Variants in CHST8 observed in about 807,000 individuals in gnomAD.
CHST8 encodes the protein GALNAC-4-ST1.
Under a neutral mutation model 15.0 loss-of-function variants are expected in CHST8, and 10 were observed. The ratio of observed to expected loss-of-function variants is 0.67; its 90% CI spans 0.41 to 1.13. The LOEUF (loss-of-function observed/expected upper bound fraction) is 1.13, where lower values mean the gene tolerates loss of function less well. Among genes scored for constraint, CHST8 ranks in the 50% most tolerant of loss-of-function variants. The pLI is 0.00. For missense variants in CHST8, 634 were observed against 608.2 expected (o/e 1.04, Z -0.45); for synonymous variants, 259 against 256.6 (o/e 1.01, Z -0.09).
intron 3 of CHST8, among the ~76,000 whole-genome samples, chr19:33,737,882 A>T (rs1974115562): frequency 6.6e-6 from 1 of 152,068 alleles, no homozygotes; most frequent in Non-Finnish European, 1.5e-5. Flanking sequence ...ACTCACTGTT[A>T]TCTCCAAGCA....
chr19:33,718,352 G>T (rs2145305064), intron 3 of CHST8, among the ~76,000 whole-genome samples: 1 of 151,836 alleles, frequency 6.6e-6, no homozygotes, highest in Admixed American at 6.6e-5. Context: ...CCAAAGTGCT[G>T]GGATTACAGG....
chr19:33,646,870 G>A (rs111804928), intron 1 of CHST8, among the ~76,000 whole-genome samples: 229 of 152,250 alleles, frequency 1.5e-3, no homozygotes, highest in African/African-American at 5.1e-3. Flanking sequence ...AGCCAAGATC[G>A]CTCCCTTGCA....
At chr19:33,672,026 T>G (rs1482640696) in intron 2 of CHST8, among the ~76,000 whole-genome samples, 2 of 152,112 alleles carry the variant, frequency 1.3e-5, no homozygotes, top group Non-Finnish European at 2.9e-5. Flanking sequence ...TGTATGTGTA[T>G]GTATGTATAT....
chr19:33,765,554 T>C (rs1264824771), intron 3 of CHST8, among the ~76,000 whole-genome samples: 2 of 102,802 alleles, frequency 1.9e-5, no homozygotes, highest in Non-Finnish European at 4.1e-5. Context: ...TGTGTGTGTG[T>C]CAGAGAGAGA....
At chr19:33,739,277 A>G (rs924583951) in intron 3 of CHST8, among the ~76,000 whole-genome samples, 1 of 152,020 alleles carries the variant, frequency 6.6e-6, no homozygotes, top group Admixed American at 6.5e-5. Flanking sequence ...CTCCTCCACA[A>G]GATGAAGTGT....
intron 1 of CHST8, among the ~76,000 whole-genome samples, chr19:33,650,513 C>CTTTTTTTTTTT (rs1356639318): frequency 1.4e-4 from 5 of 36,842 alleles, no homozygotes; most frequent in South Asian, 8.3e-4. Context: ...TTTTCTTTTT[C>CTTTTTTTTTTT]TTTTCTTTTT....
intron 3 of CHST8, among the ~76,000 whole-genome samples, chr19:33,756,650 A>C (rs1375394678): frequency 6.6e-6 from 1 of 152,180 alleles, no homozygotes. Context: ...TTGTTCTGCA[A>C]AATCCAACAT....
chr19:33,694,124 A>ATATATG (rs2145265110), intron 3 of CHST8, among the ~76,000 whole-genome samples: 1 of 93,750 alleles, frequency 1.1e-5, no homozygotes, highest in African/African-American at 4.0e-5. Context: ...ATATATATAT[A>ATATATG]TATATAAATG....
chr19:33,712,542 G>A (rs8104262), intron 3 of CHST8, among the ~76,000 whole-genome samples: 4,344 of 152,278 alleles, frequency 0.029, 140 homozygotes, highest in African/African-American at 0.08. Flanking sequence ...CCCTTGATAA[G>A]TAGGTCATTT....
chr19:33,713,347 C>A (rs1025400730), intron 3 of CHST8, among the ~76,000 whole-genome samples: 1 of 152,068 alleles, frequency 6.6e-6, no homozygotes, highest in African/African-American at 2.4e-5. Context: ...CTGGGAGATG[C>A]AATGGTGCCC....
chr19:33,650,577 G>A (rs1352825825), intron 1 of CHST8, among the ~76,000 whole-genome samples: 3 of 121,086 alleles, frequency 2.5e-5, no homozygotes, highest in Admixed American at 2.2e-4. Flanking sequence ...TGTCGTCCAG[G>A]CTGGAGTATA....
At chr19:33,725,185 C>T (rs570101634) in intron 3 of CHST8, among the ~76,000 whole-genome samples, 1 of 152,190 alleles carries the variant, frequency 6.6e-6, no homozygotes, top group Admixed American at 6.5e-5. Flanking sequence ...ACGTCTGTGG[C>T]TCTATGTCTG....
chr19:33,709,759 A>G (rs1288530750), intron 3 of CHST8, among the ~76,000 whole-genome samples: 2 of 152,178 alleles, frequency 1.3e-5, no homozygotes, highest in African/African-American at 4.8e-5. Context: ...GGAATAGTTT[A>G]GGGAGGATTG....
intron 3 of CHST8, among the ~76,000 whole-genome samples, chr19:33,713,777 T>C (rs541767959): frequency 1.3e-5 from 2 of 152,262 alleles, no homozygotes; most frequent in African/African-American, 4.8e-5. Context: ...GCCAGGCTGG[T>C]CTCAAACTCC....
At chr19:33,688,199 T>C (rs1600264250) in intron 2 of CHST8, among the ~76,000 whole-genome samples, 2 of 152,344 alleles carry the variant, frequency 1.3e-5, no homozygotes, top group Middle Eastern at 6.8e-3. Context: ...CTGCAGGAAC[T>C]TATATTCTTC....
intron 3 of CHST8, among the ~76,000 whole-genome samples, chr19:33,731,013 G>A (rs932886124): frequency 1.3e-5 from 2 of 152,210 alleles, no homozygotes; most frequent in Non-Finnish European, 2.9e-5. Flanking sequence ...AGCCGTGCTT[G>A]CAACTGATTA....
Position 33,678,511 on chromosome 19 carries a change from G to A in CHST8, c.-86-10665G>A, listed in dbSNP as rs550868286. ...AAACCCAGTGCTTTGGGAGGCCAAG[G>A]TAAGAGGATTACTGGAGGCCAGGAG... On this transcript the variant is annotated intron_variant, in intron 2 of 4. Coordinates refer to ENST00000650847, the MANE Select transcript of CHST8 (RefSeq NM_001127895.2). Among the ~76,000 whole-genome samples, 10 of 152,276 alleles carry A rather than the reference G, an allele frequency of 6.6e-5. No individual in the cohort carries two copies. In the South Asian group the frequency reaches 8.3e-4, roughly 13 times the overall value.
At chr19:33,643,329 A>G (rs1461854551) in intron 1 of CHST8, among the ~76,000 whole-genome samples, 1 of 152,142 alleles carries the variant, frequency 6.6e-6, no homozygotes. Flanking sequence ...ATTTTTACCA[A>G]AGTCATGCAT....
intron 1 of CHST8, among the ~76,000 whole-genome samples, chr19:33,663,335 C>A (rs148777148): frequency 1.2e-3 from 177 of 152,276 alleles, no homozygotes; most frequent in Non-Finnish European, 1.5e-3. Context: ...TAGGCCGAGG[C>A]AGGAGGATTG....
Sources: gnomAD v4.1 joint callset for allele counts (sites outside exome capture counted in the v4.1 genomes callset) on GRCh38, gnomAD v4.1.1 for gene constraint, MANE v1.5 for transcripts, NCBI Gene and HGNC (gene_info 2026-07-23, HGNC 2026-07-21) for gene names.